Variants in NALF1 observed in about 807,000 individuals in gnomAD.
The protein encoded by NALF1 is family with sequence similarity 155 member A.
NALF1 carries 3 observed loss-of-function variants against 48.4 expected under a neutral mutation model. The observed-to-expected ratio is 0.06, with a 90% confidence interval of 0.03 to 0.16. The LOEUF (loss-of-function observed/expected upper bound fraction) is 0.16. NALF1 is among the 10% of genes least tolerant of loss of function. The probability of loss-of-function intolerance (pLI) is 1.00; values close to 1 mark genes in which losing one functional copy is unlikely to be tolerated. For synonymous variants in NALF1, 262 were observed against 245.7 expected (o/e 1.07, Z -0.62); for missense variants, 526 against 571.5 (o/e 0.92, Z 0.81).
chr13:107,736,018 TTCCTTGCTA>T (rs1208608685), intron 1 of NALF1, among the ~76,000 whole-genome samples: 1 of 152,196 alleles, frequency 6.6e-6, no homozygotes, highest in Admixed American at 6.6e-5. Context: ...TGATTTTATA[TTCCTTGCTA>T]GACTATAAAG....
rs541600941 is a variant in NALF1, at chr13:107,224,269, T to C, written c.916-13514A>G. Reference sequence around the variant, plus strand: ...AATACTGAAATATGCAAAAATCAAATTAATAAAGCACATATATCATGATGC... The same window carrying C: ...AATACTGAAATATGCAAAAATCAAACTAATAAAGCACATATATCATGATGC... On this transcript the variant is annotated intron_variant, in intron 1 of 2. Transcript: ENST00000375915. 7.3e-4 allele frequency among the ~76,000 whole-genome samples: 111 copies of C among 151,784 alleles called. 1 individual carries two copies. The South Asian group carries it at 0.022, about 30-fold the overall frequency.
At chr13:107,660,126 A>G (rs1880688602) in intron 1 of NALF1, among the ~76,000 whole-genome samples, 1 of 152,006 alleles carries the variant, frequency 6.6e-6, no homozygotes, top group Non-Finnish European at 1.5e-5. Flanking sequence ...AACACAAACC[A>G]TAGTCTCTTC....
chr13:107,615,565 G>A (rs9559101), intron 1 of NALF1, among the ~76,000 whole-genome samples: 22,353 of 152,088 alleles, frequency 0.15, 2,341 homozygotes, highest in East Asian at 0.37. Context: ...CCTTCAGAGC[G>A]AGGTCATAAC....
chr13:107,206,964 G>A (rs574201467), intron 2 of NALF1, among the ~76,000 whole-genome samples: 1 of 152,306 alleles, frequency 6.6e-6, no homozygotes, highest in East Asian at 1.9e-4. Context: ...AATTAAATCT[G>A]TTGAATTTGA....
At chr13:107,491,906 A>G (rs1426832619) in intron 1 of NALF1, among the ~76,000 whole-genome samples, 1 of 152,038 alleles carries the variant, frequency 6.6e-6, no homozygotes, top group African/African-American at 2.4e-5. Flanking sequence ...AATGTTAATG[A>G]TAATATCATT....
chr13:107,328,071 C>G (rs544249061), intron 1 of NALF1, among the ~76,000 whole-genome samples: 1 of 152,048 alleles, frequency 6.6e-6, no homozygotes, highest in African/African-American at 2.4e-5. Flanking sequence ...CAGGCATGTG[C>G]CACCATGCTA....
At chr13:107,676,339 G>T (rs1463179572) in intron 1 of NALF1, among the ~76,000 whole-genome samples, 2 of 152,192 alleles carry the variant, frequency 1.3e-5, no homozygotes, top group Non-Finnish European at 2.9e-5. Flanking sequence ...CCTGTGTGAA[G>T]ATTTGATCTT....
In NALF1 at chr13:107,866,609, C is replaced by G; in HGVS notation, c.-13G>C. 1 of 1,591,740 alleles carries G rather than the reference C, an allele frequency of 6.3e-7. No individual in the cohort carries two copies. Among genetic ancestry groups the G allele is most frequent in the South Asian group, 1.1e-5 (1 of 88,724 alleles). ...CACCCCTGGTCATATTTTGGGAACG[C>G]ACAGCCCTGGCCGACTCCACCGTGA... On this transcript the variant is annotated 5_prime_UTR_variant, in exon 1 of 3. Transcript: ENST00000375915. The surrounding 1 kb of genome is among the most constrained non-coding windows in gnomAD (Gnocchi z 4.4).
chr13:107,852,058 T>C (rs956465657), intron 1 of NALF1, among the ~76,000 whole-genome samples: 19 of 151,808 alleles, frequency 1.3e-4, no homozygotes, highest in Non-Finnish European at 2.5e-4. Flanking sequence ...TGCCTCAGCC[T>C]CCCAAAGTGC....
At chr13:107,375,392 G>A (rs1469061420) in intron 1 of NALF1, among the ~76,000 whole-genome samples, 1 of 152,010 alleles carries the variant, frequency 6.6e-6, no homozygotes, top group Non-Finnish European at 1.5e-5. Flanking sequence ...AGAGACTCTG[G>A]AAAATACTTG....
At chr13:107,732,808 C>T (rs1876350222) in intron 1 of NALF1, among the ~76,000 whole-genome samples, 1 of 152,134 alleles carries the variant, frequency 6.6e-6, no homozygotes, top group African/African-American at 2.4e-5. Flanking sequence ...CACACAGACA[C>T]ATAATATATG....
intron 2 of NALF1, among the ~76,000 whole-genome samples, chr13:107,193,911 A>C (rs1364015940): frequency 6.6e-6 from 1 of 151,940 alleles, no homozygotes; most frequent in East Asian, 1.9e-4. Context: ...AGAGAGAGAG[A>C]GAGCTGTATT....
chr13:107,537,196 T>C (rs1179529660), intron 1 of NALF1, among the ~76,000 whole-genome samples: 1 of 152,066 alleles, frequency 6.6e-6, no homozygotes, highest in African/African-American at 2.4e-5. Flanking sequence ...AACCTGCACA[T>C]TGTGCACATG....
chr13:107,215,099 C>T (rs1277488839), intron 1 of NALF1, among the ~76,000 whole-genome samples: 1 of 152,104 alleles, frequency 6.6e-6, no homozygotes, highest in Non-Finnish European at 1.5e-5. Context: ...GCCTTAGAGA[C>T]CACCTAGCTG....
intron 1 of NALF1, among the ~76,000 whole-genome samples, chr13:107,416,201 G>C (rs1045779978): frequency 1.4e-5 from 2 of 148,134 alleles, no homozygotes; most frequent in African/African-American, 2.5e-5. Context: ...ATTTTTAGTA[G>C]AGACGGGATT....
chr13:107,698,208 G>T (rs970880210), intron 1 of NALF1, among the ~76,000 whole-genome samples: 3 of 152,072 alleles, frequency 2.0e-5, no homozygotes, highest in African/African-American at 7.2e-5. Context: ...CCCACTTTTT[G>T]TTACCAAATA....
chr13:107,193,380 C>T (rs1372524485), intron 2 of NALF1, among the ~76,000 whole-genome samples: 2 of 152,036 alleles, frequency 1.3e-5, no homozygotes, highest in East Asian at 1.9e-4. Flanking sequence ...TGCAGTGCAT[C>T]CTTATTACTA....
intron 1 of NALF1, among the ~76,000 whole-genome samples, chr13:107,515,512 C>A (rs926676057): frequency 7.2e-5 from 11 of 152,302 alleles, no homozygotes; most frequent in African/African-American, 2.6e-4. Flanking sequence ...CAGAGACCTG[C>A]CCCACATTAC....
chr13:107,508,487 C>T (rs1013704918), intron 1 of NALF1, among the ~76,000 whole-genome samples: 2 of 151,890 alleles, frequency 1.3e-5, no homozygotes, highest in African/African-American at 4.8e-5. Flanking sequence ...AGCTGAATTG[C>T]TTGCCTGGTA....
Sources: allele counts gnomAD v4.1 joint callset (sites outside exome capture counted in the v4.1 genomes callset), GRCh38; gene constraint gnomAD v4.1.1; non-coding constraint Gnocchi (gnomAD v3.1); transcripts MANE v1.5; gene names NCBI Gene and HGNC (gene_info 2026-07-23, HGNC 2026-07-21).